HEATR3: variants seen among roughly 807,000 people sequenced by gnomAD.
The protein encoded by HEATR3 is HEAT repeat-containing protein 3.
Under a neutral mutation model 72.8 loss-of-function variants are expected in HEATR3, and 56 were observed. The ratio of observed to expected loss-of-function variants is 0.77; its 90% CI spans 0.62 to 0.96. HEATR3 has a LOEUF of 0.96. Among genes scored for constraint, HEATR3 ranks in the 40% least tolerant of loss-of-function variants. The probability of loss-of-function intolerance (pLI) is 0.00; values close to 1 mark genes in which losing one functional copy is unlikely to be tolerated. For synonymous variants in HEATR3, 331 were observed against 318.1 expected (o/e 1.04, Z -0.43); for missense variants, 747 against 831.4 (o/e 0.90, Z 1.25).
chr16:50,069,368 G>A (rs2036563886), intron 3 of HEATR3: 1 of 157,158 alleles, frequency 6.4e-6, no homozygotes, highest in East Asian at 1.9e-4. Flanking sequence ...TCTCTGGAGT[G>A]CCTCTGGTCC....
At chr16:50,087,712 A>G (rs1169640718) in intron 11 of HEATR3, among the ~76,000 whole-genome samples, 1 of 152,202 alleles carries the variant, frequency 6.6e-6, no homozygotes, top group East Asian at 1.9e-4. Context: ...TTGAGGGTAA[A>G]CGTGAAGATA....
rs150218334 is a variant in HEATR3 at position 50,076,815 on chromosome 16, T to C, written c.763+1104T>C. Among the ~76,000 whole-genome samples, 329 of 150,524 alleles carry C rather than the reference T, an allele frequency of 2.2e-3. 4 individuals are homozygous for C. Among genetic ancestry groups the C allele is most frequent in the African/African-American group, 7.3e-3 (300 of 40,926 alleles). ...CCTGAGTTCAAGCGATCCTCCTGCC[T>C]CAGTCTCCTGAATAGTTGGCATTAC... is the stretch of plus-strand genomic sequence containing the variant. On this transcript the variant is annotated intron_variant, in intron 6 of 14. Transcript: ENST00000299192.
At position 50,085,372 on chromosome 16, in the gene HEATR3, T is replaced by C. The variant is rs536694607; in HGVS notation, c.1373+721T>C. On this transcript the variant is annotated intron_variant, in intron 10 of 14. Coordinates refer to ENST00000299192, the MANE Select transcript of HEATR3 (RefSeq NM_182922.4). Reference sequence around the variant, plus strand: ...TGGGCATGGTGGCTCACACCTATAATCCCAGGACTCTGGGAGGCCAAGGTA... The same window carrying C: ...TGGGCATGGTGGCTCACACCTATAACCCCAGGACTCTGGGAGGCCAAGGTA... 2.5e-3 allele frequency among the ~76,000 whole-genome samples: 385 copies of C among 152,260 alleles called. 2 individuals are homozygous for C. Among genetic ancestry groups the C allele is most frequent in the Non-Finnish European group, 3.6e-3 (244 of 68,024 alleles).
intron 2 of HEATR3, 146 bp from the exon 3 acceptor site, chr16:50,068,634 G>A (rs1268334468): frequency 1.6e-6 from 1 of 633,742 alleles, no homozygotes; most frequent in African/African-American, 1.8e-5. Flanking sequence ...GGAAATCTCT[G>A]GATTGGTTCT....
intron 2 of HEATR3, among the ~76,000 whole-genome samples, 172 bp from the exon 3 acceptor site, chr16:50,068,608 A>G (rs954864366): frequency 6.6e-6 from 1 of 152,242 alleles, no homozygotes; most frequent in Non-Finnish European, 1.5e-5. Flanking sequence ...CTTGTAGAAC[A>G]TGGATCAGAA....
At chr16:50,084,469 C>T (rs893474190) in intron 9 of HEATR3, 100 bp from the exon 10 acceptor site, 17 of 1,132,226 alleles carry the variant, frequency 1.5e-5, no homozygotes, top group African/African-American at 3.1e-5. Context: ...TATATGAAGC[C>T]TAACCATTTC....
intron 12 of HEATR3, among the ~76,000 whole-genome samples, chr16:50,097,344 G>GTTT (rs1300247450): frequency 3.9e-5 from 1 of 25,318 alleles, no homozygotes; most frequent in Non-Finnish European, 6.3e-5. Flanking sequence ...TATTAGCTAT[G>GTTT]ATTTTTTTTT....
chr16:50,094,566 T>A, intron 11 of HEATR3, 139 bp from the exon 12 acceptor site: 1 of 510,424 alleles, frequency 2.0e-6, no homozygotes, highest in Non-Finnish European at 3.5e-6. Flanking sequence ...GGCTTAAATA[T>A]CGAGGGTTTT....
intron 3 of HEATR3, among the ~76,000 whole-genome samples, chr16:50,069,453 C>T (rs2036565361): frequency 6.6e-6 from 1 of 152,160 alleles, no homozygotes; most frequent in African/African-American, 2.4e-5. Context: ...AGGCATCAGT[C>T]ATTTTAGAGC....
chr16:50,071,769 T>C (rs2036617466), intron 4 of HEATR3, among the ~76,000 whole-genome samples: 1 of 152,236 alleles, frequency 6.6e-6, no homozygotes, highest in Admixed American at 6.5e-5. Flanking sequence ...TAGTCAGCTC[T>C]GTTAGCGTGT....
At chr16:50,067,063 G>T (rs2036513799) in intron 2 of HEATR3, among the ~76,000 whole-genome samples, 1 of 152,100 alleles carries the variant, frequency 6.6e-6, no homozygotes. Context: ...TTTGAATTGG[G>T]TGCTCTTGGG....
intron 10 of HEATR3, among the ~76,000 whole-genome samples, chr16:50,085,201 T>C (rs1163264314): frequency 2.0e-5 from 3 of 152,140 alleles, no homozygotes; most frequent in Non-Finnish European, 4.4e-5. Flanking sequence ...ATGGAAGAGA[T>C]ACAGGGGCTT....
intron 11 of HEATR3, among the ~76,000 whole-genome samples, chr16:50,089,095 C>G (rs1418305255): frequency 2.0e-5 from 3 of 152,198 alleles, no homozygotes; most frequent in Non-Finnish European, 4.4e-5. Flanking sequence ...GCAAAGATCA[C>G]AGGAAAACTG....
rs1415097069 is a variant in HEATR3, at chr16:50,066,295, G to T, written c.138+26G>T. 8 of 1,577,480 alleles carry T rather than the reference G, an allele frequency of 5.1e-6. No homozygotes were observed. In the Admixed American group the frequency reaches 1.1e-4, roughly 21 times the overall value. On this transcript the variant is annotated intron_variant, in intron 1 of 14. Transcript: ENST00000299192. ...GTGAGGCGAGGGCTCCGTCGGGCCG[G>T]GAGGCGAGACGAGGTTGCCCCGCGC...
At chr16:50,094,671 A>G in intron 11 of HEATR3, 34 bp from the exon 12 acceptor site, 1 of 1,318,250 alleles carries the variant, frequency 7.6e-7, no homozygotes, top group Non-Finnish European at 1.0e-6. Context: ...ATCTTGGAGA[A>G]ATGCAAATTT....
At chr16:50,080,979 CAGGGAGTA>C (rs1193569536) in intron 7 of HEATR3, among the ~76,000 whole-genome samples, 6 of 152,200 alleles carry the variant, frequency 3.9e-5, no homozygotes, top group African/African-American at 1.4e-4. Context: ...GGACCTTCTA[CAGGGAGTA>C]AGGTTGGGGG....
chr16:50,089,151 G>A (rs1002633463), intron 11 of HEATR3, among the ~76,000 whole-genome samples: 1 of 152,054 alleles, frequency 6.6e-6, no homozygotes, highest in African/African-American at 2.4e-5. Context: ...TCTGAATTGT[G>A]GGAAAATATA....
intron 4 of HEATR3, among the ~76,000 whole-genome samples, chr16:50,071,918 C>G (rs2036621175): frequency 2.0e-5 from 3 of 152,078 alleles, no homozygotes; most frequent in African/African-American, 7.2e-5. Flanking sequence ...AAAGCTGAGT[C>G]TTTTATTAAA....
chr16:50,081,329 A>G (rs1474968381), intron 7 of HEATR3, among the ~76,000 whole-genome samples: 2 of 152,074 alleles, frequency 1.3e-5, no homozygotes, highest in African/African-American at 4.8e-5. Context: ...AGTCCCAGCC[A>G]CTCAACTTGG....
Sources: allele counts gnomAD v4.1 joint callset (sites outside exome capture counted in the v4.1 genomes callset), GRCh38; gene constraint gnomAD v4.1.1; transcripts MANE v1.5; gene names NCBI Gene and HGNC (gene_info 2026-07-23, HGNC 2026-07-21).